SYNDIG1L: variants seen among roughly 807,000 people sequenced by gnomAD.
The protein encoded by SYNDIG1L is synapse differentiation inducing 1 like.
In SYNDIG1L, 13 loss-of-function variants were observed where a neutral mutation model predicts 20.1. The observed-to-expected ratio is 0.65, with a 90% CI of 0.42 to 1.03. SYNDIG1L has a LOEUF of 1.03. Among genes scored for constraint, SYNDIG1L ranks in the 50% least tolerant of loss-of-function variants. The pLI is 0.00. For missense variants in SYNDIG1L, 294 were observed against 305.1 expected, an observed-to-expected ratio of 0.96 and a Z score of 0.27; for synonymous variants, 128 against 129.3, an observed-to-expected ratio of 0.99 and a Z score of 0.07.
the SYNDIG1L span, among the ~76,000 whole-genome samples, chr14:74,460,265 C>A: frequency 1.3e-5 from 2 of 152,136 alleles, no homozygotes; most frequent in African/African-American, 4.8e-5. Context: ...CTTCTTGGTG[C>A]TGCCGTGGAT....
At chr14:74,459,842 A>G in the SYNDIG1L span, among the ~76,000 whole-genome samples, 2 of 152,148 alleles carry the variant, frequency 1.3e-5, no homozygotes, top group Non-Finnish European at 2.9e-5. Flanking sequence ...TCCTTCAGAG[A>G]GGCCCCAATA....
chr14:74,407,400 T>C lies in SYNDIG1L; in HGVS notation c.*135A>G. 4.8e-6 allele frequency: 6 copies of C among 1,253,842 alleles called. No homozygotes were observed. Among genetic ancestry groups the C allele is most frequent in the Non-Finnish European group, 6.6e-6 (6 of 904,352 alleles). 77.7% of individuals were successfully genotyped at this position (1,253,842 alleles called of 1,614,324 possible). On this transcript the variant is annotated 3_prime_UTR_variant, in exon 4 of 4. Coordinates refer to ENST00000331628, the MANE Select transcript of SYNDIG1L (RefSeq NM_001105579.2). Reference sequence around the variant, plus strand: ...AGGCTGAGCTCTGCAGGCTGTGGAATGGGGGTCTCCCCCTCAGCAAGCCAC... The same window carrying C: ...AGGCTGAGCTCTGCAGGCTGTGGAACGGGGGTCTCCCCCTCAGCAAGCCAC...
the SYNDIG1L span, among the ~76,000 whole-genome samples, chr14:74,457,048 C>T: frequency 6.6e-6 from 1 of 152,196 alleles, no homozygotes; most frequent in East Asian, 1.9e-4. Flanking sequence ...TTATCCGATG[C>T]ATGCTAAGCA....
the SYNDIG1L span, among the ~76,000 whole-genome samples, chr14:74,475,969 T>C: frequency 6.6e-6 from 1 of 152,218 alleles, no homozygotes; most frequent in Non-Finnish European, 1.5e-5. Context: ...CATTACACAT[T>C]AACAGTGGTT....
In SYNDIG1L at chr14:74,409,603, G is replaced by T; in HGVS notation, c.142C>A (p.Pro48Thr). ...LYSYLLGGAG[P>T]AGAHQLLDPG... ...TCCAGGAGCTGGTGGGCTCCGGCAG[G>T]CCCAGCGCCACCTAGGAGGTAGGAG... Residue 48 changes from proline to threonine, a missense_variant, in exon 2 of 4, where the codon CCT becomes ACT. Transcript: ENST00000331628. 2 of 1,508,066 alleles carry T rather than the reference G, an allele frequency of 1.3e-6. No individual in the cohort carries two copies. Among genetic ancestry groups the T allele is most frequent in the Non-Finnish European group, 1.8e-6 (2 of 1,130,044 alleles). The allele number at this position is 1,508,066 out of a possible 1,614,324, so 93.4% of individuals were successfully genotyped here.
rs1196774856 is a variant in SYNDIG1L at position 74,412,708 on chromosome 14, G to A, written c.-57-2907C>T. ...CAAGGCATCAGTTTTCCAGATGGGC[G>A]ACAGAGCCATGGATTCATCTCGGGC... On this transcript the variant is annotated intron_variant, in intron 1 of 3. Transcript: ENST00000331628. 3.3e-5 allele frequency among the ~76,000 whole-genome samples: 5 copies of A among 152,268 alleles called. No individual in the cohort carries two copies. In the East Asian group the frequency reaches 5.8e-4, roughly 18 times the overall value.
At chr14:74,466,311 G>A in the SYNDIG1L span, among the ~76,000 whole-genome samples, 1 of 152,158 alleles carries the variant, frequency 6.6e-6, no homozygotes, top group Admixed American at 6.5e-5. Flanking sequence ...TCAATGGAAA[G>A]CACAGAACTC....
chr14:74,466,416 A>G, the SYNDIG1L span, among the ~76,000 whole-genome samples: 1 of 152,152 alleles, frequency 6.6e-6, no homozygotes. Context: ...AAAGGATGAG[A>G]ACAGGGCCAA....
chr14:74,428,136 C>T (rs1321423051), upstream of SYNDIG1L, among the ~76,000 whole-genome samples: 1 of 152,288 alleles, frequency 6.6e-6, no homozygotes, highest in East Asian at 1.9e-4. Flanking sequence ...TCGCCTTTGT[C>T]ATTAATTGGC....
the SYNDIG1L span, chr14:74,474,316 T>G: frequency 1.3e-5 from 2 of 152,194 alleles, no homozygotes; most frequent in Non-Finnish European, 2.9e-5. Context: ...TGACAGGAGA[T>G]GGTTCTCAGT....
At position 74,407,355 on chromosome 14, in the gene SYNDIG1L, C is replaced by T. The variant is rs2086091311; in HGVS notation, c.*180G>A. On this transcript the variant is annotated 3_prime_UTR_variant, in exon 4 of 4. Transcript: ENST00000331628. ...CCGGGCCCTGCTCTGGGGCTGGGAG[C>T]AGCGGGCAAGCAGAAGTGAAGGCTG... 4.2e-5 allele frequency: 36 copies of T among 860,964 alleles called. No homozygotes were observed. In the South Asian group the frequency reaches 6.0e-4, roughly 14 times the overall value. The allele number at this position is 860,964 out of a possible 1,614,324, so 53.3% of individuals were successfully genotyped here. A position where few individuals can be genotyped will look rare whatever the true frequency, so the allele number is the denominator to read the frequency against.
chr14:74,424,182 C>T (rs2086247249), intron 1 of SYNDIG1L, among the ~76,000 whole-genome samples: 1 of 152,084 alleles, frequency 6.6e-6, no homozygotes, highest in Non-Finnish European at 1.5e-5. Context: ...TTAGGACAGC[C>T]TCAGAAAGCC....
intron 1 of SYNDIG1L, among the ~76,000 whole-genome samples, chr14:74,420,724 T>C (rs2139629956): frequency 6.6e-6 from 1 of 152,316 alleles, no homozygotes; most frequent in East Asian, 1.9e-4. Flanking sequence ...TGTATATCTT[T>C]TAAAAGAATA....
chr14:74,426,662 T>G (rs928623614), upstream of SYNDIG1L, among the ~76,000 whole-genome samples: 2 of 152,140 alleles, frequency 1.3e-5, no homozygotes, highest in African/African-American at 4.8e-5. Flanking sequence ...TCATTTAATT[T>G]TCTTAACAAC....
the SYNDIG1L span, among the ~76,000 whole-genome samples, chr14:74,454,843 A>G: frequency 6.6e-6 from 1 of 152,052 alleles, no homozygotes. Context: ...AAACAAATTC[A>G]CCTATTGTGA....
chr14:74,418,612 A>T lies in SYNDIG1L; in HGVS notation c.-58+7300T>A, dbSNP rs78887246. Among the ~76,000 whole-genome samples the T allele has an allele frequency of 2.0e-3, 307 of 152,324 alleles. 11 individuals are homozygous for T. In the East Asian group the frequency reaches 0.054, roughly 27 times the overall value. On this transcript the variant is annotated intron_variant, in intron 1 of 3. Coordinates refer to ENST00000331628, the MANE Select transcript of SYNDIG1L (RefSeq NM_001105579.2). Reference sequence around the variant, plus strand: ...TGCAACTGCTTCAACCACAGAGCACAGCAAAAGTGATGCTATGTGACTTCT... The same window carrying T: ...TGCAACTGCTTCAACCACAGAGCACTGCAAAAGTGATGCTATGTGACTTCT...
the SYNDIG1L span, among the ~76,000 whole-genome samples, chr14:74,438,939 C>A: frequency 7.9e-5 from 12 of 152,096 alleles, 1 homozygote; most frequent in African/African-American, 2.4e-4. Flanking sequence ...ATCATGAAAC[C>A]AAGTTTCTAC....
At chr14:74,449,617 A>AAAAAAAG in the SYNDIG1L span, among the ~76,000 whole-genome samples, 1 of 150,460 alleles carries the variant, frequency 6.6e-6, no homozygotes, top group African/African-American at 2.5e-5. Flanking sequence ...CCTTAAAAAA[A>AAAAAAAG]AAAAAAGAAA....
the SYNDIG1L span, among the ~76,000 whole-genome samples, chr14:74,455,912 T>G: frequency 3.9e-5 from 6 of 152,234 alleles, no homozygotes; most frequent in African/African-American, 1.2e-4. Flanking sequence ...TGGAGAGAGA[T>G]GAGACTCCTT....
Sources: gnomAD v4.1 joint callset for allele counts (sites outside exome capture counted in the v4.1 genomes callset) on GRCh38, gnomAD v4.1.1 for gene constraint, MANE v1.5 for transcripts, NCBI Gene and HGNC (gene_info 2026-07-23, HGNC 2026-07-21) for gene names.